The following SYNJ2BP variants were observed in gnomAD, a reference collection of about 807,000 sequenced individuals.
SYNJ2BP encodes synaptojanin-2-binding protein.
SYNJ2BP carries 10 observed loss-of-function variants against 16.9 expected under a neutral mutation model. The observed-to-expected ratio is 0.59, with a 90% confidence interval of 0.36 to 1.00. The LOEUF is 1.00. Among genes scored for constraint, SYNJ2BP ranks in the 50% least tolerant of loss-of-function variants. The pLI is 0.01. For missense variants in SYNJ2BP, 162 were observed against 186.7 expected, an observed-to-expected ratio of 0.87 and a Z score of 0.77; for synonymous variants, 54 against 68.4, an observed-to-expected ratio of 0.79 and a Z score of 1.04.
At chr14:70,412,029 T>C (rs1352269394) in intron 1 of SYNJ2BP, among the ~76,000 whole-genome samples, 3 of 152,204 alleles carry the variant, frequency 2.0e-5, no homozygotes, top group African/African-American at 7.2e-5. Context: ...TAGCAACAGT[T>C]TCAGTTAGCA....
Position 70,373,074 on chromosome 14 carries a change from G to A in SYNJ2BP, c.355C>T (p.Pro119Ser). The change falls in exon 4 of 4, where the codon CCC becomes TCC. Residue 119 changes from proline (P) to serine (S), a missense_variant. Physicochemically the swap from Pro to Ser is moderately conservative, Grantham distance 74 (BLOSUM62 -1). Transcript: ENST00000256366. ...ACTGGCACCAGCACCATAAATATGG[G>A]AATACCACTTGGGTCCCCTTCACCT... ...HRGEGDPSGI[P>S]IFMVLVPVFA... 1 of 1,614,154 alleles carries A rather than the reference G, an allele frequency of 6.2e-7. No individual in the cohort carries two copies. Among genetic ancestry groups the A allele is most frequent in the Non-Finnish European group, 8.5e-7 (1 of 1,180,028 alleles).
At chr14:70,376,588 GTAGCAGCAA>G (rs1346360974) in intron 2 of SYNJ2BP, among the ~76,000 whole-genome samples, 4 of 152,206 alleles carry the variant, frequency 2.6e-5, no homozygotes, top group Non-Finnish European at 5.9e-5. Context: ...ATCGTTAACA[GTAGCAGCAA>G]TAAGAACATC....
At chr14:70,412,210 G>A (rs1335449494) in intron 1 of SYNJ2BP, among the ~76,000 whole-genome samples, 6 of 152,108 alleles carry the variant, frequency 3.9e-5, no homozygotes, top group Non-Finnish European at 5.9e-5. Context: ...ATGCTTCTGG[G>A]AATAAGGCAT....
chr14:70,383,813 C>T (rs1460832212), intron 2 of SYNJ2BP, among the ~76,000 whole-genome samples: 1 of 152,070 alleles, frequency 6.6e-6, no homozygotes, highest in East Asian at 1.9e-4. Flanking sequence ...TTCGTAATAG[C>T]CATTTTTATT....
At chr14:70,393,053 C>T (rs533945524) in intron 1 of SYNJ2BP, among the ~76,000 whole-genome samples, 14 of 152,304 alleles carry the variant, frequency 9.2e-5, no homozygotes, top group African/African-American at 3.4e-4. Flanking sequence ...TTTTTGCAAT[C>T]TATCCATCTG....
chr14:70,390,906 G>A (rs1887967456), intron 1 of SYNJ2BP, among the ~76,000 whole-genome samples: 1 of 152,132 alleles, frequency 6.6e-6, no homozygotes, highest in Non-Finnish European at 1.5e-5. Context: ...GGCCAAGGTG[G>A]GTGGATCACT....
chr14:70,393,275 T>A (rs190927323), intron 1 of SYNJ2BP, among the ~76,000 whole-genome samples: 11 of 152,306 alleles, frequency 7.2e-5, no homozygotes, highest in Admixed American at 6.5e-4. Context: ...CCAATTGGAA[T>A]GGCGATCATT....
chr14:70,416,336 A>T (rs1888606813), intron 1 of SYNJ2BP, among the ~76,000 whole-genome samples: 2 of 144,478 alleles, frequency 1.4e-5, no homozygotes, highest in Admixed American at 1.4e-4. Flanking sequence ...TTTTTTTTTT[A>T]AAGCCCTGGG....
At position 70,370,380 on chromosome 14, in the gene SYNJ2BP, G is replaced by T. The variant is rs1189285412; in HGVS notation, c.*2611C>A. The stretch of plus-strand genomic sequence containing the variant: ...GAGGCTGTGCCCTCCTAGTGTGGCT[G>T]GTTGGAGTGACAACTAGAATGTTGT... On this transcript the variant is annotated 3_prime_UTR_variant, in exon 4 of 4. Coordinates refer to ENST00000256366, the MANE Select transcript of SYNJ2BP (RefSeq NM_018373.3). 1.3e-5 allele frequency: 2 copies of T among 152,158 alleles called. No homozygotes were observed. The highest frequency in any genetic ancestry group is 2.9e-5 in the Non-Finnish European group (2 of 68,036). The allele number at this position is 152,158 out of a possible 1,614,324, so 9.4% of individuals were successfully genotyped here.
chr14:70,401,771 T>C (rs1888242834), intron 1 of SYNJ2BP, among the ~76,000 whole-genome samples: 1 of 152,012 alleles, frequency 6.6e-6, no homozygotes, highest in African/African-American at 2.4e-5. Context: ...GCCTCCCAAA[T>C]AGCTCGGACT....
intron 2 of SYNJ2BP, among the ~76,000 whole-genome samples, chr14:70,378,269 C>T (rs1029905852): frequency 4.0e-5 from 6 of 150,900 alleles, no homozygotes; most frequent in African/African-American, 1.5e-4. Context: ...ATTTGTATCC[C>T]TACTTGTACT....
intron 2 of SYNJ2BP, among the ~76,000 whole-genome samples, chr14:70,381,487 CA>C (rs1263581607): frequency 6.6e-6 from 1 of 152,170 alleles, no homozygotes; most frequent in Non-Finnish European, 1.5e-5. Context: ...ATTTCTACTC[CA>C]AAATTGAATT....
rs71448320 is a variant in SYNJ2BP, at chr14:70,367,561, C to CAAAAAAAAAAA, written c.*5419_*5429dup. On this transcript the variant is annotated 3_prime_UTR_variant, in exon 4 of 4. Coordinates refer to ENST00000256366, the MANE Select transcript of SYNJ2BP (RefSeq NM_018373.3). ...TAGGCGACAGAGCAAGACTCCGTCTCAAAAAAAAAAAAAAAAAAAAAAAAA... is the reference window on the plus strand; with the variant it reads ...TAGGCGACAGAGCAAGACTCCGTCTCAAAAAAAAAAAAAAAAAAAAAAAAAAAAAAAAAAAA... The CAAAAAAAAAAA allele has an allele frequency of 1.4e-3, 50 of 36,896 alleles. No individual in the cohort carries two copies. The highest frequency in any genetic ancestry group is 0.015 in the Middle Eastern group (1 of 68). 2.3% of individuals were successfully genotyped at this position (36,896 alleles called of 1,614,324 possible).
chr14:70,385,920 AG>A (rs1887850604), intron 2 of SYNJ2BP, among the ~76,000 whole-genome samples: 1 of 152,224 alleles, frequency 6.6e-6, no homozygotes, highest in South Asian at 2.1e-4. Flanking sequence ...CCCACCTCAT[AG>A]GATTACTATA....
rs562745060 is a variant in SYNJ2BP at position 70,377,710 on chromosome 14, A to G, written c.202-1939T>C. 1.6e-4 allele frequency among the ~76,000 whole-genome samples: 15 copies of G among 96,340 alleles called. No homozygotes were observed. The East Asian group carries it at 4.8e-3, about 31-fold the overall frequency. 63.2% of individuals were successfully genotyped at this position (96,340 alleles called of 152,430 possible). ...TGATGATCTTGATCATACTTCTTCT[A>G]ACCTCCTTACAAAACTCACAGACAC... On this transcript the variant is annotated intron_variant, in intron 2 of 3. Transcript: ENST00000256366.
rs975197873 is a variant in SYNJ2BP, at chr14:70,377,930, A to G, written c.202-2159T>C. ...CATGCACTACCTCTATTTCTTCAGC[A>G]TTCATTCTCTATTCCCCTGTAATCT... is the stretch of plus-strand genomic sequence containing the variant. On this transcript the variant is annotated intron_variant, in intron 2 of 3. Coordinates refer to ENST00000256366, the MANE Select transcript of SYNJ2BP (RefSeq NM_018373.3). Among the ~76,000 whole-genome samples, 38 of 152,322 alleles carry G rather than the reference A, an allele frequency of 2.5e-4. 1 individual carries two copies. Among genetic ancestry groups the G allele is most frequent in the Admixed American group, 1.6e-3 (25 of 15,294 alleles).
chr14:70,390,276 G>T (rs1328001264), intron 1 of SYNJ2BP, among the ~76,000 whole-genome samples: 4 of 152,206 alleles, frequency 2.6e-5, no homozygotes, highest in African/African-American at 9.7e-5. Context: ...AGACAAAGGA[G>T]ATAGTTTGGA....
chr14:70,394,439 A>T (rs1888046399), intron 1 of SYNJ2BP, among the ~76,000 whole-genome samples: 1 of 151,426 alleles, frequency 6.6e-6, no homozygotes, highest in Admixed American at 6.6e-5. Context: ...AGGCAGGAAG[A>T]AAAAAGACTG....
In SYNJ2BP at chr14:70,375,842, C is replaced by T. The variant is rs548927945; in HGVS notation, c.202-71G>A. The stretch of plus-strand genomic sequence containing the variant: ...AAGTCAACAATTTATTTTCAAATGG[C>T]CAAACTTTAAATAACAAACTCCTTC... On this transcript the variant is annotated intron_variant, in intron 2 of 3. Transcript: ENST00000256366. 8 of 1,581,216 alleles carry T rather than the reference C, an allele frequency of 5.1e-6. No individual in the cohort carries two copies. The African/African-American group carries it at 6.8e-5, about 13-fold the overall frequency.
Sources: gnomAD v4.1 joint callset for allele counts (sites outside exome capture counted in the v4.1 genomes callset) on GRCh38, gnomAD v4.1.1 for gene constraint, MANE v1.5 for transcripts, NCBI Gene and HGNC (gene_info 2026-07-23, HGNC 2026-07-21) for gene names.